PDE8A: variants seen among roughly 807,000 people sequenced by gnomAD.
PDE8A encodes high affinity cAMP-specific and IBMX-insensitive 3',5'-cyclic phosphodiesterase 8A.
In PDE8A, 59 loss-of-function variants were observed where a neutral mutation model predicts 105.0. That is an observed-to-expected ratio of 0.56 (90% CI 0.46 to 0.70). The LOEUF is 0.70. PDE8A is among the 30% of genes least tolerant of loss of function. The probability of loss-of-function intolerance (pLI) is 0.00; values close to 1 mark genes in which losing one functional copy is unlikely to be tolerated. For missense variants in PDE8A, 1,014 were observed against 1,045.9 expected (o/e 0.97, Z 0.42); for synonymous variants, 355 against 371.9 (o/e 0.95, Z 0.52).
chr15:85,117,740 C>T lies in PDE8A; in HGVS notation c.1635C>T (p.Ile545=), dbSNP rs149278040. The T allele has an allele frequency of 8.1e-6, 13 of 1,613,534 alleles. No homozygotes were observed. Among genetic ancestry groups the T allele is most frequent in the Middle Eastern group, 1.6e-4 (1 of 6,082 alleles). The change falls in exon 17 of 22, where the codon ATC becomes ATT. Residue 545 remains isoleucine (I), a synonymous_variant. Coordinates refer to ENST00000394553, the MANE Select transcript of PDE8A (RefSeq NM_002605.3). The part of the protein sequence containing the change: ...ESTLRSWLQI[I]EANYHSSNPY... ...CGCTAAGATCATGGTTACAAATTATCGAAGCCAATTATCATTCCTCCAATC... is the reference window on the plus strand; with the variant it reads ...CGCTAAGATCATGGTTACAAATTATTGAAGCCAATTATCATTCCTCCAATC...
intron 1 of PDE8A, among the ~76,000 whole-genome samples, chr15:84,993,442 C>CA (rs11362736): frequency 0.012 from 866 of 72,574 alleles, 31 homozygotes; most frequent in African/African-American, 0.019. Flanking sequence ...GACTCCATCT[C>CA]AAAAAAAAAA....
At chr15:85,061,660 A>C (rs1815535234) in intron 1 of PDE8A, among the ~76,000 whole-genome samples, 1 of 152,158 alleles carries the variant, frequency 6.6e-6, no homozygotes, top group Admixed American at 6.5e-5. Flanking sequence ...TCCTACATCA[A>C]GTTTGGGATA....
At chr15:85,002,456 G>A (rs1026292120) in intron 1 of PDE8A, among the ~76,000 whole-genome samples, 34 of 152,212 alleles carry the variant, frequency 2.2e-4, no homozygotes, top group African/African-American at 2.4e-4. Context: ...AGTTGGGTGC[G>A]CCACCCTCTG....
At chr15:85,107,766 T>C (rs2141586223) in intron 11 of PDE8A, among the ~76,000 whole-genome samples, 1 of 152,240 alleles carries the variant, frequency 6.6e-6, no homozygotes, top group Non-Finnish European at 1.5e-5. Context: ...TAAGTTAAGA[T>C]GTAAGTCTGG....
chr15:85,107,529 G>T (rs2081964640), intron 11 of PDE8A, among the ~76,000 whole-genome samples: 1 of 152,204 alleles, frequency 6.6e-6, no homozygotes, highest in Non-Finnish European at 1.5e-5. Flanking sequence ...CAGGGATAGA[G>T]CAGGGGATAG....
At position 85,122,963 on chromosome 15, in the gene PDE8A, G is replaced by A; in HGVS notation, c.1953-98G>A. 4.9e-6 allele frequency: 6 copies of A among 1,234,952 alleles called. No homozygotes were observed. The South Asian group carries it at 5.6e-5, about 11-fold the overall frequency. 76.5% of individuals were successfully genotyped at this position (1,234,952 alleles called of 1,614,324 possible). A position where few individuals can be genotyped will look rare whatever the true frequency, so the allele number is the denominator to read the frequency against. On this transcript the variant is annotated intron_variant, in intron 18 of 21. Coordinates refer to ENST00000394553, the MANE Select transcript of PDE8A (RefSeq NM_002605.3). ...TTTCAGTGGCATTAGATTTATAGCTGCAGAGGACACATACCTGGATAACAG... is the reference window on the plus strand; with the variant it reads ...TTTCAGTGGCATTAGATTTATAGCTACAGAGGACACATACCTGGATAACAG...
In PDE8A at chr15:85,090,461, A is replaced by G. The variant is rs959836987; in HGVS notation, c.715-583A>G. Reference sequence around the variant, plus strand: ...TGTATTTTCTGCTTATCTTACAGTCATATCTGAAACTTAACCATAAAGCCT... The same window carrying G: ...TGTATTTTCTGCTTATCTTACAGTCGTATCTGAAACTTAACCATAAAGCCT... On this transcript the variant is annotated intron_variant, in intron 7 of 21. Transcript: ENST00000394553. 2.0e-5 allele frequency among the ~76,000 whole-genome samples: 3 copies of G among 152,294 alleles called. No individual in the cohort carries two copies. In the South Asian group the frequency reaches 6.2e-4, roughly 32 times the overall value.
At chr15:85,032,318 C>T (rs1257437458) in intron 1 of PDE8A, among the ~76,000 whole-genome samples, 2 of 152,178 alleles carry the variant, frequency 1.3e-5, no homozygotes, top group African/African-American at 2.4e-5. Context: ...TAGATATTGT[C>T]CATCCATGGT....
At chr15:85,085,138 A>G (rs2081530837) in intron 6 of PDE8A, among the ~76,000 whole-genome samples, 1 of 152,098 alleles carries the variant, frequency 6.6e-6, no homozygotes, top group African/African-American at 2.4e-5. Flanking sequence ...CCAAACTCCA[A>G]AATGTAGCCT....
At chr15:85,003,637 T>C (rs544276649) in intron 1 of PDE8A, among the ~76,000 whole-genome samples, 31 of 152,352 alleles carry the variant, frequency 2.0e-4, no homozygotes, top group African/African-American at 7.5e-4. Flanking sequence ...AATCTTACCC[T>C]GAGGCAGTTT....
chr15:85,064,669 A>G (rs776959324), intron 2 of PDE8A, among the ~76,000 whole-genome samples: 46 of 152,158 alleles, frequency 3.0e-4, no homozygotes, highest in Admixed American at 3.3e-4. Flanking sequence ...TGGTTCAGCA[A>G]TAGGTCAGGC....
At chr15:84,981,781 T>G (rs2079711806), upstream of PDE8A, among the ~76,000 whole-genome samples, 1 of 150,758 alleles carries the variant, frequency 6.6e-6, no homozygotes, top group African/African-American at 2.4e-5. Flanking sequence ...GAGGGCAGCG[T>G]GGCTCGCGCG....
intron 1 of PDE8A, chr15:85,062,713 G>C (rs554377306): frequency 1.1e-4 from 16 of 152,324 alleles, no homozygotes; most frequent in African/African-American, 3.6e-4. Context: ...CTGGGTACCT[G>C]CTATGTGCTA....
chr15:85,108,713 T>C (rs2081980451), intron 11 of PDE8A, among the ~76,000 whole-genome samples: 1 of 152,160 alleles, frequency 6.6e-6, no homozygotes, highest in African/African-American at 2.4e-5. Context: ...TGAGTGGGGA[T>C]CAAAATTTTC....
chr15:84,993,764 A>G (rs1434045017), intron 1 of PDE8A, among the ~76,000 whole-genome samples: 1 of 151,952 alleles, frequency 6.6e-6, no homozygotes, highest in Non-Finnish European at 1.5e-5. Flanking sequence ...GGTGGTGCAC[A>G]CCTGTAATCC....
chr15:85,083,722 A>T lies in PDE8A; in HGVS notation c.635+78A>T, dbSNP rs1480048576. On this transcript the variant is annotated intron_variant, in intron 6 of 21. Coordinates refer to ENST00000394553, the MANE Select transcript of PDE8A (RefSeq NM_002605.3). ...AGTGAGAACTTTGGTTGTGGGGAATACTTTTGAAATGGCCTCTTGCAGAAA... is the reference window on the plus strand; with the variant it reads ...AGTGAGAACTTTGGTTGTGGGGAATTCTTTTGAAATGGCCTCTTGCAGAAA... 3 of 887,262 alleles carry T rather than the reference A, an allele frequency of 3.4e-6. No homozygotes were observed. In the East Asian group the frequency reaches 7.5e-5, roughly 22 times the overall value. The allele number at this position is 887,262 out of a possible 1,614,324, so 55.0% of individuals were successfully genotyped here.
intron 1 of PDE8A, among the ~76,000 whole-genome samples, chr15:85,047,815 T>G (rs1357360455): frequency 6.6e-6 from 1 of 152,196 alleles, no homozygotes; most frequent in African/African-American, 2.4e-5. Context: ...ATCCAGACTT[T>G]TATCTTTTCC....
intron 8 of PDE8A, among the ~76,000 whole-genome samples, chr15:85,097,548 T>A (rs2081777538): frequency 1.3e-5 from 2 of 152,196 alleles, no homozygotes; most frequent in African/African-American, 4.8e-5. Context: ...GGCCACATAA[T>A]GGTCCCTTCT....
chr15:85,120,855 T>C lies in PDE8A; in HGVS notation c.1793T>C (p.Val598Ala). The change falls in exon 18 of 22, where the codon GTG becomes GCG. Residue 598 changes from valine (V) to alanine (A), a missense_variant. Val to Ala is a moderately conservative substitution (Grantham distance 64, BLOSUM62 0). Transcript: ENST00000394553. ...CTCATCGCAGCCACCATTCATGATG[T>C]GGATCACCCTGGGAGAACCAACTCC... ...AALIAATIHDVDHPGRTNSFL... is the reference protein window; with the variant it reads ...AALIAATIHDADHPGRTNSFL... The C allele has an allele frequency of 6.2e-7, 1 of 1,614,160 alleles. No homozygotes were observed. The highest frequency in any genetic ancestry group is 1.1e-5 in the South Asian group (1 of 91,088).
Sources: allele counts gnomAD v4.1 joint callset (sites outside exome capture counted in the v4.1 genomes callset), GRCh38; gene constraint gnomAD v4.1.1; transcripts MANE v1.5; gene names NCBI Gene and HGNC (gene_info 2026-07-23, HGNC 2026-07-21).